Variants in CDH2 observed in about 807,000 individuals in gnomAD.
The protein encoded by CDH2 is cadherin 2, also known as cadherin-2.
A neutral mutation model predicts 92.0 loss-of-function variants in CDH2; 17 were observed. The observed-to-expected ratio is 0.18, with a 90% CI of 0.13 to 0.28. CDH2 has a LOEUF of 0.28. CDH2 is among the 10% of genes least tolerant of loss of function. The pLI, the probability that CDH2 is intolerant of heterozygous loss-of-function variation, is 1.00. For missense variants in CDH2, 862 were observed against 1,133.1 expected, an observed-to-expected ratio of 0.76 and a Z score of 3.44; for synonymous variants, 419 against 415.9, an observed-to-expected ratio of 1.01 and a Z score of -0.09.
chr18:28,007,162 A>AT, intron 5 of CDH2, among the ~76,000 whole-genome samples: 1 of 132,052 alleles, frequency 7.6e-6, no homozygotes, highest in East Asian at 2.0e-4. Flanking sequence ...TCCATAAAAA[A>AT]AAAATATATA....
intron 2 of CDH2, among the ~76,000 whole-genome samples, chr18:28,056,034 G>A (rs570671593): frequency 3.3e-5 from 5 of 151,870 alleles, no homozygotes; most frequent in Non-Finnish European, 7.4e-5. Flanking sequence ...TTCGGGGAAA[G>A]TAAACACGTT....
At chr18:28,131,012 C>T (rs1406135552) in intron 2 of CDH2, among the ~76,000 whole-genome samples, 3 of 152,196 alleles carry the variant, frequency 2.0e-5, no homozygotes, top group African/African-American at 4.8e-5. Flanking sequence ...GCTCCTTACA[C>T]CATTTCCTCG....
At chr18:27,986,342 T>C (rs1180684263) in intron 11 of CDH2, among the ~76,000 whole-genome samples, 1 of 152,142 alleles carries the variant, frequency 6.6e-6, no homozygotes, top group Non-Finnish European at 1.5e-5. Context: ...GGCTGCTCTA[T>C]GTACACTCTT....
intron 2 of CDH2, among the ~76,000 whole-genome samples, chr18:28,129,983 C>T (rs2015739840): frequency 6.6e-6 from 1 of 152,154 alleles, no homozygotes; most frequent in Admixed American, 6.5e-5. Context: ...AGCACAGTGT[C>T]CCTGCTCTGC....
chr18:28,160,989 A>G (rs1212067833), intron 1 of CDH2, among the ~76,000 whole-genome samples: 1 of 152,130 alleles, frequency 6.6e-6, no homozygotes, highest in Admixed American at 6.5e-5. Flanking sequence ...CATCTAGCAT[A>G]TTCAGTATCT....
intron 2 of CDH2, among the ~76,000 whole-genome samples, chr18:28,038,597 T>A (rs2013887140): frequency 6.6e-6 from 1 of 151,974 alleles, no homozygotes; most frequent in Admixed American, 6.6e-5. Context: ...GCAGTTGAAG[T>A]CCCAGGAATC....
intron 2 of CDH2, among the ~76,000 whole-genome samples, chr18:28,115,881 C>T (rs1366790853): frequency 6.6e-6 from 1 of 152,114 alleles, no homozygotes; most frequent in Non-Finnish European, 1.5e-5. Context: ...TTTTACACTG[C>T]ATTTTTATTA....
intron 1 of CDH2, among the ~76,000 whole-genome samples, chr18:28,155,261 T>G (rs1644786162): frequency 6.6e-6 from 1 of 151,988 alleles, no homozygotes; most frequent in Non-Finnish European, 1.5e-5. Flanking sequence ...GTGCTTCAGC[T>G]TCCTCCTCTG....
chr18:27,935,482 C>A (rs1908996296), intron 6 of CDH2, among the ~76,000 whole-genome samples: 1 of 152,196 alleles, frequency 6.6e-6, no homozygotes, highest in Non-Finnish European at 1.5e-5. Context: ...ACTAGGCCTA[C>A]TTCCAACGCT....
intron 2 of CDH2, among the ~76,000 whole-genome samples, chr18:28,142,464 A>G (rs552648692): frequency 5.9e-5 from 9 of 151,788 alleles, no homozygotes; most frequent in African/African-American, 2.2e-4. Flanking sequence ...AGCCTAAATG[A>G]TTGCTATGAA....
chr18:28,072,956 A>G (rs2014648345), intron 2 of CDH2, among the ~76,000 whole-genome samples: 1 of 152,232 alleles, frequency 6.6e-6, no homozygotes, highest in Non-Finnish European at 1.5e-5. Context: ...TCACACATAC[A>G]TACTCATCTA....
At chr18:28,073,926 G>A (rs1196657696) in intron 2 of CDH2, among the ~76,000 whole-genome samples, 1 of 152,140 alleles carries the variant, frequency 6.6e-6, no homozygotes, top group Non-Finnish European at 1.5e-5. Flanking sequence ...AAAGGGCTCA[G>A]CACAGTGTTT....
rs2013114932 is a variant in CDH2, at chr18:28,011,992, C to G, written c.400G>C (p.Glu134Gln). Residue 134 changes from glutamate to glutamine, a missense_variant and splice_region_variant, in exon 4 of 16, where the codon GAG (glutamate) becomes CAG (glutamine). Transcript: ENST00000269141. ...KPTLTEESVK[E>Q]SAEVEEIVFP... Reference sequence around the variant, plus strand: ...ACTATTTCTTCAACTTCTGCTGACTCCTTTACATTAAAATAGAAGACATTC... The same window carrying G: ...ACTATTTCTTCAACTTCTGCTGACTGCTTTACATTAAAATAGAAGACATTC... The G allele has an allele frequency of 1.9e-6, 3 of 1,612,476 alleles. No homozygotes were observed. The highest frequency in any genetic ancestry group is 2.5e-6 in the Non-Finnish European group (3 of 1,179,186).
rs66537834 is a variant in CDH2 at position 27,945,323 on chromosome 18, A to ATTTTTTTTTTTTTTTTTTTT, written c.1152-12219_1152-12200dup. Among the ~76,000 whole-genome samples, 6 of 66,460 alleles carry ATTTTTTTTTTTTTTTTTTTT rather than the reference A, an allele frequency of 9.0e-5. 1 individual carries two copies. The highest frequency in any genetic ancestry group is 3.5e-4 in the African/African-American group (6 of 16,966). 43.6% of individuals were successfully genotyped at this position (66,460 alleles called of 152,430 possible). On this transcript the variant is annotated intron_variant, in intron 6 of 6. Coordinates refer to the CDH2 transcript ENST00000675173. The stretch of plus-strand genomic sequence containing the variant: ...CAACTGATACTTTCCAGGAAGGAAG[A>ATTTTTTTTTTTTTTTTTTTT]TTTTTTTTTTTTTTTTTTTTTTTTT...
Position 28,177,121 on chromosome 18 carries a change from G to A in CDH2, c.-99C>T. On this transcript the variant is annotated 5_prime_UTR_variant, in exon 1 of 16. Coordinates refer to ENST00000269141, the MANE Select transcript of CDH2 (RefSeq NM_001792.5). ...CAGCGGCAGCACCAACAGCGGCGCG[G>A]AGAAACGGCTCCAGGCAGTTTCCAC... The A allele has an allele frequency of 1.2e-6, 1 of 845,632 alleles. No homozygotes were observed. Among genetic ancestry groups the A allele is most frequent in the Non-Finnish European group, 1.8e-6 (1 of 563,722 alleles). The allele number at this position is 845,632 out of a possible 1,614,324, so 52.4% of individuals were successfully genotyped here. A position where few individuals can be genotyped will look rare whatever the true frequency, so the allele number is the denominator to read the frequency against.
chr18:28,078,010 T>C (rs911289899), intron 2 of CDH2, among the ~76,000 whole-genome samples: 2 of 152,156 alleles, frequency 1.3e-5, no homozygotes, highest in African/African-American at 2.4e-5. Context: ...GGACGTGTTT[T>C]TACCACAGCT....
At chr18:27,980,930 T>C (rs1022794707) in intron 14 of CDH2, among the ~76,000 whole-genome samples, 1 of 152,050 alleles carries the variant, frequency 6.6e-6, no homozygotes, top group Non-Finnish European at 1.5e-5. Flanking sequence ...ATCTCAAGCA[T>C]CAATCTAAGT....
intron 2 of CDH2, among the ~76,000 whole-genome samples, chr18:28,147,311 A>G (rs1013454456): frequency 1.3e-5 from 2 of 152,038 alleles, no homozygotes; most frequent in Non-Finnish European, 2.9e-5. Flanking sequence ...ATACTAAGTA[A>G]TTTTTTGCTG....
intron 6 of CDH2, among the ~76,000 whole-genome samples, chr18:27,937,000 AG>A (rs1909035161): frequency 6.6e-6 from 1 of 152,242 alleles, no homozygotes; most frequent in South Asian, 2.1e-4. Flanking sequence ...GCTGGTAAAA[AG>A]ATGTGCAAGC....
Sources: gnomAD v4.1 joint callset for allele counts (sites outside exome capture counted in the v4.1 genomes callset) on GRCh38, gnomAD v4.1.1 for gene constraint, MANE v1.5 for transcripts, NCBI Gene and HGNC (gene_info 2026-07-23, HGNC 2026-07-21) for gene names.